The following B4GALNT3 variants were observed in gnomAD, a reference collection of about 807,000 sequenced individuals.
B4GALNT3 encodes beta-1,4-N-acetylgalactosaminyltransferase 3.
In B4GALNT3, 86 loss-of-function variants were observed where a neutral mutation model predicts 120.2. That is an observed-to-expected ratio of 0.72 (90% CI 0.60 to 0.86). B4GALNT3 has a LOEUF of 0.86. Ranked by LOEUF, B4GALNT3 falls within the 40% of genes least tolerant of loss-of-function variation. The probability of loss-of-function intolerance (pLI) is 0.00; values close to 1 mark genes in which losing one functional copy is unlikely to be tolerated. For missense variants in B4GALNT3, 1,167 were observed against 1,298.9 expected, an observed-to-expected ratio of 0.90 and a Z score of 1.56; for synonymous variants, 518 against 510.4, an observed-to-expected ratio of 1.01 and a Z score of -0.20.
At chr12:529,228 C>T (rs983740432) in intron 1 of B4GALNT3, among the ~76,000 whole-genome samples, 1 of 152,194 alleles carries the variant, frequency 6.6e-6, no homozygotes, top group African/African-American at 2.4e-5. Flanking sequence ...ACACCCACTG[C>T]TTCCACTTCT....
intron 19 of B4GALNT3, among the ~76,000 whole-genome samples, chr12:560,602 C>A (rs756727161): frequency 6.6e-6 from 1 of 152,158 alleles, no homozygotes; most frequent in Non-Finnish European, 1.5e-5. Flanking sequence ...GGTAAAGGAA[C>A]GTAGATAACT....
At chr12:543,425 C>T (rs1201086345) in intron 3 of B4GALNT3, among the ~76,000 whole-genome samples, 4 of 140,960 alleles carry the variant, frequency 2.8e-5, no homozygotes, top group African/African-American at 1.1e-4. Context: ...GGGTGCTCAT[C>T]TTCCCGGAGC....
intron 6 of B4GALNT3, among the ~76,000 whole-genome samples, chr12:545,707 A>T (rs1277531779): frequency 2.0e-5 from 2 of 100,070 alleles, no homozygotes; most frequent in East Asian, 3.4e-4. Flanking sequence ...AGGAGTGAGG[A>T]ATGGGGAGGA....
At chr12:493,753 T>C (rs1734526929) in intron 1 of B4GALNT3, among the ~76,000 whole-genome samples, 1 of 152,206 alleles carries the variant, frequency 6.6e-6, no homozygotes, top group Non-Finnish European at 1.5e-5. Flanking sequence ...AGTTTTTATT[T>C]CATTAAAACA....
intron 18 of B4GALNT3, among the ~76,000 whole-genome samples, 196 bp downstream of exon 18, chr12:558,857 G>A (rs1000319210): frequency 2.6e-5 from 4 of 151,826 alleles, no homozygotes; most frequent in Non-Finnish European, 4.4e-5. Flanking sequence ...ACAGCAGCAG[G>A]TGCAGCAGTG....
intron 1 of B4GALNT3, among the ~76,000 whole-genome samples, chr12:521,203 G>A (rs1946705859): frequency 6.6e-6 from 1 of 152,104 alleles, no homozygotes; most frequent in African/African-American, 2.4e-5. Context: ...CTGCCAGCAG[G>A]ACTCTCGTCA....
At chr12:531,323 ACT>A (rs1200566581) in intron 1 of B4GALNT3, among the ~76,000 whole-genome samples, 1 of 151,914 alleles carries the variant, frequency 6.6e-6, no homozygotes, top group Non-Finnish European at 1.5e-5. Context: ...CTGCTGGCCC[ACT>A]GCTGGCCCAC....
At chr12:468,627 A>G (rs930469655) in intron 1 of B4GALNT3, among the ~76,000 whole-genome samples, 3 of 152,208 alleles carry the variant, frequency 2.0e-5, no homozygotes, top group Non-Finnish European at 4.4e-5. Context: ...AAGGTCTCAC[A>G]CCAGCTCCTC....
In B4GALNT3 at chr12:545,351, ACT is replaced by A; in HGVS notation, c.539-14_539-13del. The A allele has an allele frequency of 1.3e-6, 2 of 1,597,392 alleles. No homozygotes were observed. Among genetic ancestry groups the A allele is most frequent in the Non-Finnish European group, 1.7e-6 (2 of 1,173,190 alleles). ...ATGCCCTCCTTGCCCTCATCTGGAA[ACT>A]CTCCCCGCTGCCCAGGGAAAATCCA... is the stretch of plus-strand genomic sequence containing the variant. On this transcript the variant is annotated splice_polypyrimidine_tract_variant and intron_variant, in intron 5 of 19. Transcript: ENST00000266383.
At chr12:513,511 A>C (rs1414205385) in intron 1 of B4GALNT3, among the ~76,000 whole-genome samples, 3 of 152,116 alleles carry the variant, frequency 2.0e-5, no homozygotes, top group Non-Finnish European at 4.4e-5. Context: ...GGACAACCAG[A>C]GGTCACTTTT....
chr12:464,455 C>T (rs572040137), intron 1 of B4GALNT3, among the ~76,000 whole-genome samples: 57 of 151,898 alleles, frequency 3.8e-4, no homozygotes, highest in Admixed American at 9.8e-4. Context: ...CATGGCAAAA[C>T]CCCATCTCTA....
At chr12:492,050 C>T (rs12369151) in intron 1 of B4GALNT3, among the ~76,000 whole-genome samples, 14,675 of 89,790 alleles carry the variant, frequency 0.16, 922 homozygotes, top group East Asian at 0.27. Context: ...AGAACGAGAC[C>T]GTCTCAAAAA....
rs1946470389 is a variant in B4GALNT3 at position 504,054 on chromosome 12, A to G, written c.170-31112A>G. Reference sequence around the variant, plus strand: ...CACTTGAACCTCGGAGACAGAGGTTACAGTGAGCCGAGATCATGCCAAGGC... The same window carrying G: ...CACTTGAACCTCGGAGACAGAGGTTGCAGTGAGCCGAGATCATGCCAAGGC... On this transcript the variant is annotated intron_variant, in intron 1 of 19. Transcript: ENST00000266383. Among the ~76,000 whole-genome samples, 5 of 151,988 alleles carry G rather than the reference A, an allele frequency of 3.3e-5. No individual in the cohort carries two copies. In the South Asian group the frequency reaches 1.0e-3, roughly 32 times the overall value.
chr12:558,773 C>T, intron 18 of B4GALNT3, 112 bp downstream of exon 18: 1 of 1,190,616 alleles, frequency 8.4e-7, no homozygotes, highest in Non-Finnish European at 1.2e-6. Context: ...TCCCCTGCCC[C>T]ACCCTGCCCT....
intron 14 of B4GALNT3, 69 bp downstream of exon 14, chr12:554,052 G>A (rs1947115528): frequency 2.7e-6 from 3 of 1,107,770 alleles, no homozygotes; most frequent in Non-Finnish European, 4.0e-6. Flanking sequence ...GGAAGGCAGG[G>A]GCCTAAGGGC....
intron 1 of B4GALNT3, among the ~76,000 whole-genome samples, chr12:511,904 G>A (rs111219626): frequency 1.4e-3 from 81 of 57,302 alleles, no homozygotes; most frequent in East Asian, 4.6e-3. Context: ...TCCACCTTCC[G>A]CCTTCGACCT....
At chr12:472,301 G>T (rs1946143951) in intron 1 of B4GALNT3, among the ~76,000 whole-genome samples, 1 of 152,184 alleles carries the variant, frequency 6.6e-6, no homozygotes, top group South Asian at 2.1e-4. Context: ...TATTTTTAGA[G>T]ACAGTGTCTC....
chr12:549,112 T>C (rs1048099847), intron 9 of B4GALNT3, among the ~76,000 whole-genome samples: 13 of 152,096 alleles, frequency 8.5e-5, no homozygotes, highest in South Asian at 2.1e-4. Flanking sequence ...TCAGGCCCCG[T>C]TGAAAAACAT....
chr12:489,565 TAGAA>T (rs1316481692), intron 1 of B4GALNT3, among the ~76,000 whole-genome samples: 1 of 152,106 alleles, frequency 6.6e-6, no homozygotes, highest in East Asian at 1.9e-4. Flanking sequence ...CCACTTTAAA[TAGAA>T]AGACTCATAT....
Sources: allele counts gnomAD v4.1 joint callset (sites outside exome capture counted in the v4.1 genomes callset), GRCh38; gene constraint gnomAD v4.1.1; transcripts MANE v1.5; gene names NCBI Gene and HGNC (gene_info 2026-07-23, HGNC 2026-07-21).